Variants in CREB5 observed in about 807,000 individuals in gnomAD.
The protein encoded by CREB5 is cyclic AMP-responsive element-binding protein 5.
CREB5 carries 19 observed loss-of-function variants against 57.1 expected under a neutral mutation model. That is an observed-to-expected ratio of 0.33 (90% CI 0.23 to 0.49). The LOEUF (loss-of-function observed/expected upper bound fraction) is 0.49. Ranked by LOEUF, CREB5 falls within the 20% of genes least tolerant of loss-of-function variation. CREB5 has a pLI of 0.99. For synonymous variants in CREB5, 238 were observed against 238.3 expected (o/e 1.00, Z 0.01); for missense variants, 579 against 671.6 (o/e 0.86, Z 1.52).
At chr7:28,469,686 T>C (rs1444890983) in intron 1 of CREB5, among the ~76,000 whole-genome samples, 4 of 152,336 alleles carry the variant, frequency 2.6e-5, no homozygotes, top group Middle Eastern at 3.4e-3. Context: ...AGCTGGCAGT[T>C]ACATAGCACT....
intron 7 of CREB5, among the ~76,000 whole-genome samples, chr7:28,768,194 T>C (rs936716490): frequency 5.3e-5 from 8 of 152,132 alleles, no homozygotes; most frequent in Non-Finnish European, 1.2e-4. Flanking sequence ...GGAAGGGACC[T>C]TCTTCTGTTT....
chr7:28,638,234 T>C (rs989227620), intron 5 of CREB5, among the ~76,000 whole-genome samples: 2 of 146,310 alleles, frequency 1.4e-5, no homozygotes, highest in Non-Finnish European at 3.0e-5. Flanking sequence ...CCTGCCTTCA[T>C]TCAAATTGCT....
chr7:28,472,660 A>T (rs989916322), intron 1 of CREB5, among the ~76,000 whole-genome samples: 1 of 152,136 alleles, frequency 6.6e-6, no homozygotes, highest in Non-Finnish European at 1.5e-5. Flanking sequence ...ATCAGTCTCT[A>T]TCTTGGTCCT....
chr7:28,515,582 C>T (rs1792906816), intron 4 of CREB5, among the ~76,000 whole-genome samples: 1 of 152,168 alleles, frequency 6.6e-6, no homozygotes, highest in African/African-American at 2.4e-5. Flanking sequence ...CCATGCCCGA[C>T]TCCCCTGGTT....
chr7:28,483,596 A>G (rs1562748349), intron 1 of CREB5, among the ~76,000 whole-genome samples: 1 of 152,180 alleles, frequency 6.6e-6, no homozygotes, highest in Non-Finnish European at 1.5e-5. Flanking sequence ...ATGAGGCAGC[A>G]TCTGCCACAA....
chr7:28,659,842 A>G (rs112156845), intron 5 of CREB5, among the ~76,000 whole-genome samples: 25 of 152,262 alleles, frequency 1.6e-4, no homozygotes, highest in African/African-American at 5.5e-4. Flanking sequence ...AGAAATATAT[A>G]TATTAAACTA....
intron 1 of CREB5, among the ~76,000 whole-genome samples, chr7:28,358,199 G>A (rs993754288): frequency 2.6e-5 from 4 of 152,152 alleles, no homozygotes; most frequent in Non-Finnish European, 5.9e-5. Context: ...GCTTAAATAT[G>A]CTCCGCTGAC....
intron 1 of CREB5, among the ~76,000 whole-genome samples, chr7:28,452,908 T>C (rs1260525779): frequency 6.6e-6 from 1 of 152,112 alleles, no homozygotes. Context: ...CAGTACAGTG[T>C]TTCAGTATGC....
chr7:28,407,201 C>A (rs111992715), intron 1 of CREB5, among the ~76,000 whole-genome samples: 46 of 152,160 alleles, frequency 3.0e-4, no homozygotes, highest in African/African-American at 1.0e-3. Flanking sequence ...AGGCACCCAC[C>A]ACCACACCCA....
chr7:28,339,439 G>C (rs540614096), intron 1 of CREB5, among the ~76,000 whole-genome samples: 15 of 152,312 alleles, frequency 9.8e-5, no homozygotes, highest in African/African-American at 3.4e-4. Context: ...TGGATTACCA[G>C]GCAGAGACTC....
intron 4 of CREB5, among the ~76,000 whole-genome samples, chr7:28,523,762 C>T (rs1793308497): frequency 6.6e-6 from 1 of 152,188 alleles, no homozygotes; most frequent in Admixed American, 6.5e-5. Flanking sequence ...GAATCTAATC[C>T]ACGCATGAAA....
At chr7:28,638,782 A>G (rs893454179) in intron 5 of CREB5, among the ~76,000 whole-genome samples, 1 of 152,234 alleles carries the variant, frequency 6.6e-6, no homozygotes, top group Non-Finnish European at 1.5e-5. Flanking sequence ...AAACCTGACA[A>G]TCTGCAAATG....
intron 4 of CREB5, among the ~76,000 whole-genome samples, chr7:28,524,602 G>C (rs770441009): frequency 6.6e-6 from 1 of 152,148 alleles, no homozygotes; most frequent in Non-Finnish European, 1.5e-5. Context: ...ATGCTGTGTA[G>C]AGAATCTTGA....
chr7:28,333,167 A>T (rs1198136493), intron 1 of CREB5, among the ~76,000 whole-genome samples: 3 of 152,242 alleles, frequency 2.0e-5, no homozygotes, highest in African/African-American at 7.2e-5. Flanking sequence ...TAAAGAATTC[A>T]TGTGGGATTT....
intron 1 of CREB5, among the ~76,000 whole-genome samples, chr7:28,361,842 A>T (rs1158264200): frequency 6.6e-6 from 1 of 152,160 alleles, no homozygotes; most frequent in Non-Finnish European, 1.5e-5. Flanking sequence ...GGGGCTGGGG[A>T]TGGAGGCATG....
chr7:28,725,880 A>G (rs928353351), intron 7 of CREB5, among the ~76,000 whole-genome samples: 28 of 152,156 alleles, frequency 1.8e-4, no homozygotes, highest in Non-Finnish European at 3.2e-4. Flanking sequence ...TCTAAAACAC[A>G]ATTCCAAACT....
chr7:28,686,305 TC>T (rs1439204017), intron 5 of CREB5: 6 of 758,448 alleles, frequency 7.9e-6, no homozygotes, highest in Admixed American at 4.2e-5. Flanking sequence ...CTTCATTTTC[TC>T]CCCCTTCTCC....
intron 1 of CREB5, among the ~76,000 whole-genome samples, chr7:28,462,905 AC>A (rs1479093451): frequency 3.3e-5 from 5 of 152,110 alleles, no homozygotes; most frequent in African/African-American, 1.2e-4. Context: ...TTTGAAGCAC[AC>A]AAAAAATTAA....
intron 4 of CREB5, among the ~76,000 whole-genome samples, chr7:28,534,225 T>C (rs1314581609): frequency 2.0e-5 from 3 of 152,206 alleles, no homozygotes; most frequent in African/African-American, 4.8e-5. Context: ...CATTTTCAAA[T>C]TGGAGTGCAG....
Sources: allele counts gnomAD v4.1 joint callset (sites outside exome capture counted in the v4.1 genomes callset), GRCh38; gene constraint gnomAD v4.1.1; transcripts MANE v1.5; gene names NCBI Gene and HGNC (gene_info 2026-07-23, HGNC 2026-07-21).